The following MCTP1 variants were observed in gnomAD, a reference collection of about 807,000 sequenced individuals.
MCTP1 encodes the protein multiple C2 and transmembrane domain-containing protein 1.
MCTP1 carries 69 observed loss-of-function variants against 120.6 expected under a neutral mutation model. The observed-to-expected ratio is 0.57, with a 90% confidence interval of 0.47 to 0.70. The LOEUF (loss-of-function observed/expected upper bound fraction) is 0.70, where lower values mean the gene tolerates loss of function less well. Ranked by LOEUF, MCTP1 falls within the 30% of genes least tolerant of loss-of-function variation. The probability of loss-of-function intolerance (pLI) is 0.00; values close to 1 mark genes in which losing one functional copy is unlikely to be tolerated. For synonymous variants in MCTP1, 529 were observed against 493.1 expected (o/e 1.07, Z -0.96); for missense variants, 1,203 against 1,248.8 (o/e 0.96, Z 0.55).
At chr5:95,258,727 A>T (rs913357006) in intron 1 of MCTP1, among the ~76,000 whole-genome samples, 2 of 152,214 alleles carry the variant, frequency 1.3e-5, no homozygotes, top group Admixed American at 1.3e-4. Flanking sequence ...ATAAAAGTTC[A>T]TTAAAAATGC....
At chr5:94,984,309 C>T (rs1830063898) in intron 2 of MCTP1, among the ~76,000 whole-genome samples, 2 of 152,114 alleles carry the variant, frequency 1.3e-5, no homozygotes, top group South Asian at 4.1e-4. Context: ...CAGTGAAAGG[C>T]TCTTGGCTAG....
chr5:95,180,044 A>G (rs1046050198), intron 1 of MCTP1, among the ~76,000 whole-genome samples: 2 of 152,200 alleles, frequency 1.3e-5, no homozygotes, highest in Admixed American at 1.3e-4. Flanking sequence ...GTTAAGAAAG[A>G]CAAAGAGGGA....
chr5:94,936,850 C>T (rs926374881), intron 5 of MCTP1, among the ~76,000 whole-genome samples: 2 of 152,044 alleles, frequency 1.3e-5, no homozygotes, highest in Non-Finnish European at 2.9e-5. Flanking sequence ...AGCTAGGATA[C>T]TGAATCCCAG....
rs1194221552 is a variant in MCTP1 at position 94,798,192 on chromosome 5, T to C, written c.2556+821A>G. On this transcript the variant is annotated intron_variant, in intron 18 of 22. Transcript: ENST00000515393. ...TTCTTCTCAACAGCTGTCTATTGAG[T>C]TACCAAATTGCAAATGTCATATTTG... Among the ~76,000 whole-genome samples the C allele has an allele frequency of 3.3e-5, 5 of 152,160 alleles. 1 individual carries two copies. The East Asian group carries it at 9.6e-4, about 29-fold the overall frequency.
At chr5:94,996,496 A>C (rs528075575) in intron 2 of MCTP1, among the ~76,000 whole-genome samples, 1 of 152,190 alleles carries the variant, frequency 6.6e-6, no homozygotes, top group African/African-American at 2.4e-5. Context: ...TGGATGCCCA[A>C]GTCCCTGATA....
chr5:94,831,051 ACT>A (rs1365357312), intron 17 of MCTP1, among the ~76,000 whole-genome samples: 1 of 152,118 alleles, frequency 6.6e-6, no homozygotes, highest in African/African-American at 2.4e-5. Flanking sequence ...GATATAAAAG[ACT>A]CTGCTGTTAG....
At chr5:95,152,566 T>C (rs1355427235) in intron 1 of MCTP1, among the ~76,000 whole-genome samples, 1 of 152,210 alleles carries the variant, frequency 6.6e-6, no homozygotes, top group East Asian at 1.9e-4. Flanking sequence ...ACCCAGAAAG[T>C]GAGTCTAGAC....
At chr5:95,162,428 T>C (rs1745847685) in intron 1 of MCTP1, among the ~76,000 whole-genome samples, 1 of 152,172 alleles carries the variant, frequency 6.6e-6, no homozygotes, top group African/African-American at 2.4e-5. Context: ...AAACAGACTG[T>C]TAAATGGAAG....
At chr5:94,944,434 A>G (rs1167795409) in intron 3 of MCTP1, among the ~76,000 whole-genome samples, 5 of 152,162 alleles carry the variant, frequency 3.3e-5, no homozygotes, top group Non-Finnish European at 5.9e-5. Flanking sequence ...TTCACAATAT[A>G]CAATTTACAC....
intron 1 of MCTP1, among the ~76,000 whole-genome samples, chr5:95,041,033 A>G (rs1842258282): frequency 6.6e-6 from 1 of 152,164 alleles, no homozygotes; most frequent in Non-Finnish European, 1.5e-5. Flanking sequence ...TTTTCTGGTT[A>G]TAGGATCCAA....
chr5:94,822,850 GTCT>G (rs1336371024), intron 17 of MCTP1, among the ~76,000 whole-genome samples: 3 of 152,164 alleles, frequency 2.0e-5, no homozygotes, highest in African/African-American at 7.2e-5. Flanking sequence ...CTGCATAAAT[GTCT>G]TCTTTTGAAA....
chr5:94,826,067 A>G, intron 17 of MCTP1: 1 of 310,390 alleles, frequency 3.2e-6, no homozygotes, highest in Non-Finnish European at 6.2e-6. Flanking sequence ...AGATACTTTG[A>G]AGGATCACAG....
chr5:95,057,282 T>C (rs536839884), intron 1 of MCTP1, among the ~76,000 whole-genome samples: 1 of 152,258 alleles, frequency 6.6e-6, no homozygotes, highest in South Asian at 2.1e-4. Context: ...TAAAAACCTT[T>C]AAATGGGCAG....
intron 17 of MCTP1, among the ~76,000 whole-genome samples, chr5:94,810,985 C>G (rs1267909066): frequency 6.6e-6 from 1 of 152,158 alleles, no homozygotes; most frequent in Non-Finnish European, 1.5e-5. Flanking sequence ...TTTCAGCTAT[C>G]ATTTACTAGC....
intron 19 of MCTP1, among the ~76,000 whole-genome samples, chr5:94,719,092 A>C (rs1760239186): frequency 6.6e-6 from 1 of 152,226 alleles, no homozygotes; most frequent in Non-Finnish European, 1.5e-5. Flanking sequence ...AGAAATAAAA[A>C]TCCAAACCAC....
chr5:94,980,075 A>T (rs1829063788), intron 2 of MCTP1, among the ~76,000 whole-genome samples: 1 of 152,192 alleles, frequency 6.6e-6, no homozygotes, highest in South Asian at 2.1e-4. Flanking sequence ...TATAAGAATT[A>T]GTACTAAACA....
At chr5:94,964,442 T>C (rs757088808) in intron 2 of MCTP1, among the ~76,000 whole-genome samples, 1 of 152,060 alleles carries the variant, frequency 6.6e-6, no homozygotes, top group Non-Finnish European at 1.5e-5. Flanking sequence ...TTGCTGAGAG[T>C]AGGGCATTGA....
intron 1 of MCTP1, among the ~76,000 whole-genome samples, chr5:95,040,442 CAAA>C (rs546825835): frequency 6.4e-5 from 7 of 108,648 alleles, no homozygotes; most frequent in Non-Finnish European, 5.9e-5. Flanking sequence ...GACTCTGTCT[CAAA>C]AAAAAAAAAA....
chr5:95,075,186 T>A (rs1322595806), intron 1 of MCTP1, among the ~76,000 whole-genome samples: 1 of 152,218 alleles, frequency 6.6e-6, no homozygotes, highest in Non-Finnish European at 1.5e-5. Flanking sequence ...TGAACTGAAC[T>A]TTTAAAATCA....
Sources: gnomAD v4.1 joint callset for allele counts (sites outside exome capture counted in the v4.1 genomes callset) on GRCh38, gnomAD v4.1.1 for gene constraint, MANE v1.5 for transcripts, NCBI Gene and HGNC (gene_info 2026-07-23, HGNC 2026-07-21) for gene names.